The following CAPZB variants were observed in gnomAD, a reference collection of about 807,000 sequenced individuals.
CAPZB encodes the protein capping actin protein of muscle Z-line subunit beta.
Under a neutral mutation model 38.1 loss-of-function variants are expected in CAPZB, and 2 were observed. The ratio of observed to expected loss-of-function variants is 0.05; its 90% CI spans 0.02 to 0.17. CAPZB has a LOEUF of 0.17. CAPZB is among the 10% of genes least tolerant of loss of function. The pLI, the probability that CAPZB is intolerant of heterozygous loss-of-function variation, is 1.00. For missense variants in CAPZB, 161 were observed against 334.2 expected, an observed-to-expected ratio of 0.48 and a Z score of 4.04; for synonymous variants, 107 against 127.4, an observed-to-expected ratio of 0.84 and a Z score of 1.08.
rs1423409611 is a variant in CAPZB at position 19,459,579 on chromosome 1, T to C, written c.3+25857A>G. On this transcript the variant is annotated intron_variant, in intron 1 of 8. Coordinates refer to ENST00000264202, the MANE Select transcript of CAPZB (RefSeq NM_004930.5). Reference sequence around the variant, plus strand: ...CGGGATAGGGGCTGGGAGAAAGAAATGCCAGTACCCGGACAGCCACTGTGG... The same window carrying C: ...CGGGATAGGGGCTGGGAGAAAGAAACGCCAGTACCCGGACAGCCACTGTGG... Among the ~76,000 whole-genome samples, 3 of 152,214 alleles carry C rather than the reference T, an allele frequency of 2.0e-5. No homozygotes were observed. In the Middle Eastern group the frequency reaches 0.01, roughly 518 times the overall value.
At chr1:19,444,333 A>G (rs2094489355) in intron 1 of CAPZB, among the ~76,000 whole-genome samples, 1 of 152,146 alleles carries the variant, frequency 6.6e-6, no homozygotes, top group South Asian at 2.1e-4. Flanking sequence ...CTGAGGTCTC[A>G]GACACCCAGC....
chr1:19,473,640 G>A (rs1249898330), intron 1 of CAPZB, among the ~76,000 whole-genome samples: 2 of 152,148 alleles, frequency 1.3e-5, no homozygotes, highest in Non-Finnish European at 2.9e-5. Flanking sequence ...GAGGCAGGTG[G>A]ATCACCTGAG....
intron 1 of CAPZB, among the ~76,000 whole-genome samples, chr1:19,449,672 C>T (rs989710079): frequency 1.3e-5 from 2 of 151,344 alleles, no homozygotes; most frequent in Non-Finnish European, 2.9e-5. Context: ...ACAGTCCCAT[C>T]TACTTGAGAG....
At chr1:19,475,506 C>T (rs1416637500) in intron 1 of CAPZB, among the ~76,000 whole-genome samples, 3 of 152,224 alleles carry the variant, frequency 2.0e-5, no homozygotes. Context: ...AAGGCCAGCA[C>T]CACTGGGGCA....
At chr1:19,406,299 C>T (rs111707219) in intron 2 of CAPZB, among the ~76,000 whole-genome samples, 1 of 152,308 alleles carries the variant, frequency 6.6e-6, no homozygotes, top group African/African-American at 2.4e-5. Context: ...CAACGCACCC[C>T]TCCCCCCGGC....
chr1:19,355,276 T>C (rs1003838839), intron 6 of CAPZB, among the ~76,000 whole-genome samples: 12 of 152,112 alleles, frequency 7.9e-5, no homozygotes, highest in Non-Finnish European at 1.3e-4. Flanking sequence ...GGCGGATCAC[T>C]TGAGGTCAGG....
At chr1:19,346,815 G>GTTT (rs2093963759) in intron 6 of CAPZB, among the ~76,000 whole-genome samples, 1 of 126,374 alleles carries the variant, frequency 7.9e-6, no homozygotes, top group South Asian at 2.7e-4. Context: ...CCCGACTTTT[G>GTTT]TCTTTTTTTT....
chr1:19,385,774 T>C, intron 2 of CAPZB, 148 bp from the exon 3 acceptor site: 1 of 884,332 alleles, frequency 1.1e-6, no homozygotes, highest in Non-Finnish European at 1.9e-6. Flanking sequence ...GTTCTTTTCT[T>C]TTCCACATGT....
intron 1 of CAPZB, among the ~76,000 whole-genome samples, chr1:19,476,965 C>A (rs554935443): frequency 6.6e-6 from 1 of 152,190 alleles, no homozygotes. Context: ...CCTGGACCTC[C>A]ATGGCAACTG....
chr1:19,408,353 C>T (rs917802270), intron 2 of CAPZB, among the ~76,000 whole-genome samples: 1 of 152,244 alleles, frequency 6.6e-6, no homozygotes, highest in East Asian at 1.9e-4. Context: ...TCCTCACAAC[C>T]GTCTCATGAA....
intron 4 of CAPZB, among the ~76,000 whole-genome samples, chr1:19,370,575 T>G (rs554201110): frequency 2.0e-5 from 3 of 152,188 alleles, no homozygotes; most frequent in African/African-American, 7.2e-5. Context: ...ACCCTCTACC[T>G]AGCACATGGT....
intron 1 of CAPZB, among the ~76,000 whole-genome samples, chr1:19,439,820 C>A (rs1382670611): frequency 6.6e-6 from 1 of 152,162 alleles, no homozygotes; most frequent in Non-Finnish European, 1.5e-5. Flanking sequence ...TTAATAGGCG[C>A]CAACCATTTC....
In CAPZB at chr1:19,357,092, T is replaced by C. The variant is rs1447571531; in HGVS notation, c.471+330A>G. Among the ~76,000 whole-genome samples, 1 of 152,156 alleles carries C rather than the reference T, an allele frequency of 6.6e-6. No individual in the cohort carries two copies. Among genetic ancestry groups the C allele is most frequent in the Admixed American group, 6.5e-5 (1 of 15,276 alleles). ...ATTGGCCAGGCTGGTCTTGAACTCCTGACCTCCGGTGATCTGCCCACCTCA... is the reference window on the plus strand; with the variant it reads ...ATTGGCCAGGCTGGTCTTGAACTCCCGACCTCCGGTGATCTGCCCACCTCA... On this transcript the variant is annotated intron_variant, in intron 5 of 8. Coordinates refer to ENST00000264202, the MANE Select transcript of CAPZB (RefSeq NM_004930.5). This position sits in a 1 kb window ranked among gnomAD's most constrained non-coding sequence, Gnocchi z 4.3.
chr1:19,404,349 G>A (rs2094319616), intron 2 of CAPZB, among the ~76,000 whole-genome samples: 1 of 151,118 alleles, frequency 6.6e-6, no homozygotes, highest in African/African-American at 2.4e-5. Flanking sequence ...TTTGAAACCA[G>A]CCTGGCCAAA....
At chr1:19,370,749 C>G (rs892680900) in intron 4 of CAPZB, among the ~76,000 whole-genome samples, 6 of 151,876 alleles carry the variant, frequency 4.0e-5, no homozygotes, top group Non-Finnish European at 7.3e-5. Context: ...CTCCGAGGGA[C>G]AGCAGTCTCA....
At chr1:19,355,914 G>T (rs1384021390) in intron 6 of CAPZB, among the ~76,000 whole-genome samples, 1 of 152,164 alleles carries the variant, frequency 6.6e-6, no homozygotes, top group Non-Finnish European at 1.5e-5. Flanking sequence ...ATGCTTATGG[G>T]AGCATCTAAG....
intron 1 of CAPZB, among the ~76,000 whole-genome samples, chr1:19,455,002 C>T (rs1295543790): frequency 2.6e-5 from 4 of 152,316 alleles, no homozygotes; most frequent in South Asian, 2.1e-4. Flanking sequence ...CACAGGACAC[C>T]GGTCCCGCAA....
intron 2 of CAPZB, among the ~76,000 whole-genome samples, chr1:19,389,506 C>CAAGCTCCG (rs1190506048): frequency 6.6e-6 from 1 of 152,114 alleles, no homozygotes; most frequent in Non-Finnish European, 1.5e-5. Context: ...CGGCTCACTG[C>CAAGCTCCG]AAGCTCCGCC....
chr1:19,416,122 G>A (rs897354722), intron 2 of CAPZB, among the ~76,000 whole-genome samples: 1 of 152,192 alleles, frequency 6.6e-6, no homozygotes, highest in Non-Finnish European at 1.5e-5. Flanking sequence ...AATCATAAAT[G>A]GCCTGGTTCC....
Sources: allele counts gnomAD v4.1 joint callset (sites outside exome capture counted in the v4.1 genomes callset), GRCh38; gene constraint gnomAD v4.1.1; non-coding constraint Gnocchi (gnomAD v3.1); transcripts MANE v1.5; gene names NCBI Gene and HGNC (gene_info 2026-07-23, HGNC 2026-07-21).